Variants in NAMPT observed in about 807,000 individuals in gnomAD.
NAMPT encodes NAmPRTase.
Under a neutral mutation model 58.7 loss-of-function variants are expected in NAMPT, and 7 were observed. The observed-to-expected ratio is 0.12, with a 90% confidence interval of 0.07 to 0.22. The LOEUF (loss-of-function observed/expected upper bound fraction) is 0.22, where lower values mean the gene tolerates loss of function less well. Ranked by LOEUF, NAMPT falls within the 10% of genes least tolerant of loss-of-function variation. The pLI, the probability that NAMPT is intolerant of heterozygous loss-of-function variation, is 1.00. For synonymous variants in NAMPT, 145 were observed against 198.1 expected (o/e 0.73, Z 2.25); for missense variants, 271 against 567.9 (o/e 0.48, Z 5.31).
chr7:106,270,570 T>C (rs993157464), intron 4 of NAMPT, among the ~76,000 whole-genome samples: 7 of 152,192 alleles, frequency 4.6e-5, no homozygotes, highest in Non-Finnish European at 7.3e-5. Context: ...GCTGTCCTTA[T>C]GATTCGCTTT....
At chr7:106,256,161 A>G (rs1792195457) in intron 8 of NAMPT, among the ~76,000 whole-genome samples, 1 of 152,248 alleles carries the variant, frequency 6.6e-6, no homozygotes, top group Non-Finnish European at 1.5e-5. Flanking sequence ...TCACTCCAAT[A>G]GAAGTTTCAA....
At position 106,250,866 on chromosome 7, in the gene NAMPT, C is replaced by T; in HGVS notation, c.*217G>A. ...GAATGACTACCTATTGGCAAAGGGC[C>T]CTAAAAAGCTTACTTTAGCACTCAT... is the stretch of plus-strand genomic sequence containing the variant. On this transcript the variant is annotated 3_prime_UTR_variant, in exon 11 of 11. Transcript: ENST00000222553. 1 of 507,016 alleles carries T rather than the reference C, an allele frequency of 2.0e-6. No homozygotes were observed. The highest frequency in any genetic ancestry group is 4.0e-5 in the Admixed American group (1 of 25,150). The allele number at this position is 507,016 out of a possible 1,614,324, so 31.4% of individuals were successfully genotyped here. A position where few individuals can be genotyped will look rare whatever the true frequency, so the allele number is the denominator to read the frequency against.
At chr7:106,278,775 T>C (rs1792699315) in intron 1 of NAMPT, among the ~76,000 whole-genome samples, 1 of 152,192 alleles carries the variant, frequency 6.6e-6, no homozygotes, top group African/African-American at 2.4e-5. Flanking sequence ...TGTAAATAAC[T>C]CCAACTTCTT....
rs781634960 is a variant in NAMPT, at chr7:106,284,816, C to T, written c.57+12G>A. 8.8e-5 allele frequency: 135 copies of T among 1,536,212 alleles called. 1 individual carries two copies. The highest frequency in any genetic ancestry group is 2.0e-4 in the Middle Eastern group (1 of 5,094). ...CCCGCTCCTCCTCATCTGCCCGGGC[C>T]CCGAGCTTTACCTTGTAGGAGTCGG... On this transcript the variant is annotated intron_variant, in intron 1 of 10. Transcript: ENST00000222553.
intron 2 of NAMPT, 164 bp downstream of exon 2, chr7:106,276,859 C>T (rs937805776): frequency 7.4e-6 from 4 of 541,872 alleles, no homozygotes; most frequent in African/African-American, 6.1e-5. Flanking sequence ...AAAAAAAAAA[C>T]CTTTTATTTC....
At chr7:106,261,420 T>C in intron 8 of NAMPT, 168 bp downstream of exon 8, 1 of 534,212 alleles carries the variant, frequency 1.9e-6, no homozygotes, top group Admixed American at 3.7e-5. Context: ...GGCACCTCTG[T>C]ATTTTAAACT....
chr7:106,271,009 A>G (rs1314689636), intron 4 of NAMPT, among the ~76,000 whole-genome samples: 3 of 152,172 alleles, frequency 2.0e-5, no homozygotes, highest in African/African-American at 7.2e-5. Context: ...TCCACTGCCA[A>G]TGCCCATGAT....
chr7:106,260,884 A>G (rs936104077), intron 8 of NAMPT, among the ~76,000 whole-genome samples: 7 of 152,200 alleles, frequency 4.6e-5, no homozygotes, highest in African/African-American at 1.7e-4. Context: ...GTGGTGCCCT[A>G]AAACAATCAC....
In NAMPT at chr7:106,248,386, G is replaced by A. The variant is rs1792052305; in HGVS notation, c.*2697C>T. The A allele has an allele frequency of 6.6e-6, 1 of 152,332 alleles. No individual in the cohort carries two copies. Among genetic ancestry groups the A allele is most frequent in the South Asian group, 2.1e-4 (1 of 4,814 alleles). 9.4% of individuals were successfully genotyped at this position (152,332 alleles called of 1,614,324 possible). ...TAGAATAGACTTAACATACAACTTG[G>A]GAGAAAAGCTGACATTCTCCACTGA... On this transcript the variant is annotated 3_prime_UTR_variant, in exon 11 of 11. Coordinates refer to ENST00000222553, the MANE Select transcript of NAMPT (RefSeq NM_005746.3).
At chr7:106,268,162 T>A (rs1586020187) in intron 6 of NAMPT, among the ~76,000 whole-genome samples, 1 of 152,030 alleles carries the variant, frequency 6.6e-6, no homozygotes, top group African/African-American at 2.4e-5. Context: ...CTAAATTTAA[T>A]GAATAAAATC....
chr7:106,269,892 T>A (rs1792499666), intron 4 of NAMPT, among the ~76,000 whole-genome samples: 1 of 152,230 alleles, frequency 6.6e-6, no homozygotes, highest in Admixed American at 6.5e-5. Context: ...AACTAATACT[T>A]GAAGCACTTT....
intron 8 of NAMPT, among the ~76,000 whole-genome samples, chr7:106,258,221 A>T (rs888636674): frequency 6.6e-6 from 1 of 152,196 alleles, no homozygotes; most frequent in Non-Finnish European, 1.5e-5. Context: ...ATTACAAGAG[A>T]TCTATTCCGG....
chr7:106,252,296 A>T (rs1792117943), intron 10 of NAMPT, among the ~76,000 whole-genome samples: 1 of 152,130 alleles, frequency 6.6e-6, no homozygotes, highest in Non-Finnish European at 1.5e-5. Context: ...ATATAAAGGG[A>T]TCTAATTCTA....
At chr7:106,263,697 G>A in intron 6 of NAMPT, 80 bp from the exon 7 acceptor site, 3 of 1,065,336 alleles carry the variant, frequency 2.8e-6, no homozygotes, top group Non-Finnish European at 2.9e-6. Flanking sequence ...CATATCTCAT[G>A]TTTACTATAC....
chr7:106,252,949 T>A, intron 10 of NAMPT, 68 bp downstream of exon 10: 1 of 1,537,956 alleles, frequency 6.5e-7, no homozygotes, highest in Non-Finnish European at 8.8e-7. Flanking sequence ...CATAAAAACC[T>A]CCTTTCTTAT....
intron 1 of NAMPT, 90 bp downstream of exon 1, chr7:106,284,738 A>AACCCCCCCCCCCCCC: frequency 1.0e-5 from 5 of 486,000 alleles, no homozygotes; most frequent in Non-Finnish European, 1.4e-5. Context: ...CCCAGCCCCA[A>AACCCCCCCCCCCCCC]CCCCAGCCCC....
Position 106,275,034 on chromosome 7 carries a change from T to C in NAMPT, c.230A>G (p.Lys77Arg), listed in dbSNP as rs1481649326. Residue 77 changes from lysine to arginine, a missense_variant, in exon 3 of 11, where the codon AAA becomes AGA. Coordinates refer to ENST00000222553, the MANE Select transcript of NAMPT (RefSeq NM_005746.3). ...ATCTTTGGCTTCCTGGATTTTCTCTTTGGTTACTACTTTACCTAGAAGAAT... is the reference window on the plus strand; with the variant it reads ...ATCTTTGGCTTCCTGGATTTTCTCTCTGGTTACTACTTTACCTAGAAGAAT... The part of the protein sequence containing the change: ...NKYLKGKVVT[K>R]EKIQEAKDVY... The C allele has an allele frequency of 2.5e-6, 4 of 1,605,970 alleles. No individual in the cohort carries two copies. In the African/African-American group the frequency reaches 4.0e-5, roughly 16 times the overall value.
chr7:106,255,105 G>A (rs1792178062), intron 8 of NAMPT, among the ~76,000 whole-genome samples: 1 of 152,192 alleles, frequency 6.6e-6, no homozygotes, highest in South Asian at 2.1e-4. Flanking sequence ...TGCTGTGGGT[G>A]TTAAGATTAC....
At chr7:106,265,546 T>C (rs896214526) in intron 6 of NAMPT, among the ~76,000 whole-genome samples, 4 of 147,078 alleles carry the variant, frequency 2.7e-5, no homozygotes, top group Admixed American at 6.8e-5. Context: ...TAACATACCT[T>C]GTGTGAAACA....
Sources: gnomAD v4.1 joint callset for allele counts (sites outside exome capture counted in the v4.1 genomes callset) on GRCh38, gnomAD v4.1.1 for gene constraint, MANE v1.5 for transcripts, NCBI Gene and HGNC (gene_info 2026-07-23, HGNC 2026-07-21) for gene names.